DOCK3: variants seen among roughly 807,000 people sequenced by gnomAD.
DOCK3 encodes dedicator of cytokinesis protein 3.
DOCK3 carries 60 observed loss-of-function variants against 265.6 expected under a neutral mutation model. The observed-to-expected ratio is 0.23, with a 90% confidence interval of 0.18 to 0.28. The LOEUF is 0.28. Among genes scored for constraint, DOCK3 ranks in the 10% least tolerant of loss-of-function variants. DOCK3 has a pLI of 1.00. For synonymous variants in DOCK3, 881 were observed against 938.0 expected (o/e 0.94, Z 1.11); for missense variants, 1,981 against 2,594.3 (o/e 0.76, Z 5.14).
At chr3:50,738,959 T>C (rs1463419413) in intron 1 of DOCK3, among the ~76,000 whole-genome samples, 1 of 152,196 alleles carries the variant, frequency 6.6e-6, no homozygotes, top group East Asian at 1.9e-4. Flanking sequence ...TCTGTAATTT[T>C]GCTACTGCAT....
At chr3:51,290,181 C>T (rs1001701586) in intron 27 of DOCK3, among the ~76,000 whole-genome samples, 1 of 152,194 alleles carries the variant, frequency 6.6e-6, no homozygotes, top group Non-Finnish European at 1.5e-5. Flanking sequence ...CATCCCATTA[C>T]TGGGTATATA....
At chr3:51,275,230 C>T (rs761642857) in intron 25 of DOCK3, 24 bp downstream of exon 25, 3 of 1,613,386 alleles carry the variant, frequency 1.9e-6, no homozygotes, top group African/African-American at 1.3e-5. Flanking sequence ...ACCCACTCCA[C>T]CCTGTTCAGC....
At chr3:50,733,106 G>A (rs1253471448) in intron 1 of DOCK3, among the ~76,000 whole-genome samples, 1 of 152,164 alleles carries the variant, frequency 6.6e-6, no homozygotes, top group Non-Finnish European at 1.5e-5. Flanking sequence ...ATATAATTTG[G>A]TAAGCTGATT....
intron 5 of DOCK3, among the ~76,000 whole-genome samples, chr3:51,017,852 C>A (rs1441997180): frequency 6.6e-6 from 1 of 151,868 alleles, no homozygotes; most frequent in African/African-American, 2.4e-5. Flanking sequence ...CAAATTTACT[C>A]TTCTGTCAAC....
chr3:50,894,616 A>G (rs2048805798), intron 4 of DOCK3, among the ~76,000 whole-genome samples: 1 of 152,170 alleles, frequency 6.6e-6, no homozygotes, highest in African/African-American at 2.4e-5. Context: ...TTAGTATAAG[A>G]GTTAAAAGAC....
intron 3 of DOCK3, among the ~76,000 whole-genome samples, chr3:50,866,181 C>T (rs958107454): frequency 5.9e-5 from 9 of 151,982 alleles, no homozygotes; most frequent in Admixed American, 2.0e-4. Context: ...CCTTTTGGGG[C>T]ATTACTTAAG....
At chr3:51,025,914 C>T (rs1006342500) in intron 5 of DOCK3, among the ~76,000 whole-genome samples, 2 of 152,154 alleles carry the variant, frequency 1.3e-5, no homozygotes, top group African/African-American at 2.4e-5. Flanking sequence ...TACTCAGAGG[C>T]AGACTCTCCC....
At chr3:50,984,153 G>A (rs1445559373) in intron 5 of DOCK3, among the ~76,000 whole-genome samples, 1 of 152,154 alleles carries the variant, frequency 6.6e-6, no homozygotes, top group African/African-American at 2.4e-5. Context: ...CATGAGCCAA[G>A]CGCAGCCTGC....
chr3:50,786,038 A>AGTGTC (rs1443812453), intron 2 of DOCK3, among the ~76,000 whole-genome samples: 1 of 151,168 alleles, frequency 6.6e-6, no homozygotes, highest in Non-Finnish European at 1.5e-5. Context: ...TTAATCTAAG[A>AGTGTC]GTGTCGTGTA....
At chr3:50,697,229 C>T (rs970859086) in intron 1 of DOCK3, among the ~76,000 whole-genome samples, 1 of 151,968 alleles carries the variant, frequency 6.6e-6, no homozygotes, top group Admixed American at 6.6e-5. Context: ...CTGTGCCTGC[C>T]CATAGCACTG....
At chr3:50,848,519 GAA>G (rs2046202513) in intron 3 of DOCK3, among the ~76,000 whole-genome samples, 1 of 152,194 alleles carries the variant, frequency 6.6e-6, no homozygotes, top group African/African-American at 2.4e-5. Flanking sequence ...GCTTGTCTGG[GAA>G]AGATTTTGGT....
At chr3:50,807,249 C>CTTTTTT (rs59370167) in intron 2 of DOCK3, among the ~76,000 whole-genome samples, 3 of 144,422 alleles carry the variant, frequency 2.1e-5, no homozygotes, top group African/African-American at 2.6e-5. Flanking sequence ...CTGCCACGCT[C>CTTTTTT]TTTTTTTTTT....
At chr3:51,188,348 T>C (rs892706149) in intron 12 of DOCK3, among the ~76,000 whole-genome samples, 2 of 152,230 alleles carry the variant, frequency 1.3e-5, no homozygotes, top group Non-Finnish European at 2.9e-5. Flanking sequence ...AACATAGTAA[T>C]TGTTTTTTAA....
rs1229803229 is a variant in DOCK3, at chr3:51,277,895, CT to C, written c.2823+143del. 43 of 1,502,672 alleles carry C rather than the reference CT, an allele frequency of 2.9e-5. No individual in the cohort carries two copies. The African/African-American group carries it at 5.4e-4, about 19-fold the overall frequency. 93.1% of individuals were successfully genotyped at this position (1,502,672 alleles called of 1,614,324 possible). A position where few individuals can be genotyped will look rare whatever the true frequency, so the allele number is the denominator to read the frequency against. On this transcript the variant is annotated intron_variant, in intron 26 of 52. Coordinates refer to ENST00000266037, the MANE Select transcript of DOCK3 (RefSeq NM_004947.5). ...GGTTGTCAGCATGCTGCCCTCTTCC[CT>C]TCTTGAGTCTGACTCTCCTCTCTAC...
intron 5 of DOCK3, among the ~76,000 whole-genome samples, chr3:51,009,999 C>G (rs1267106278): frequency 6.6e-6 from 1 of 152,162 alleles, no homozygotes; most frequent in African/African-American, 2.4e-5. Flanking sequence ...GTTATAATTT[C>G]TATTCTTTTA....
At position 51,312,497 on chromosome 3, in the gene DOCK3, C is replaced by T. The variant is rs777270509; in HGVS notation, c.3115C>T (p.Leu1039=). ...CTAGGTGTGGAATTCTTACTTTAGCCTGGCAGTTCTATTCATAAATCAGCC... is the reference window on the plus strand; with the variant it reads ...CTAGGTGTGGAATTCTTACTTTAGCTTGGCAGTTCTATTCATAAATCAGCC... ...DFKVWNSYFS[L]AVLFINQPSL... is the part of the protein sequence containing the mutation. The change falls in exon 30 of 53, where the codon CTG becomes TTG. Residue 1039 remains leucine (L), a synonymous_variant. Coordinates refer to ENST00000266037, the MANE Select transcript of DOCK3 (RefSeq NM_004947.5). 3.1e-6 allele frequency: 5 copies of T among 1,612,006 alleles called. No individual in the cohort carries two copies. The highest frequency in any genetic ancestry group is 1.3e-5 in the African/African-American group (1 of 74,788).
At chr3:50,817,299 A>G (rs904624144) in intron 2 of DOCK3, among the ~76,000 whole-genome samples, 1 of 152,132 alleles carries the variant, frequency 6.6e-6, no homozygotes, top group Non-Finnish European at 1.5e-5. Context: ...AATGTAGCTC[A>G]GTAGGTTTTA....
At chr3:50,912,409 A>G (rs1054388721) in intron 4 of DOCK3, among the ~76,000 whole-genome samples, 1 of 152,138 alleles carries the variant, frequency 6.6e-6, no homozygotes, top group East Asian at 1.9e-4. Context: ...ATGGCACTGA[A>G]TGTCACCCAA....
chr3:51,087,014 G>A (rs1214200218), intron 7 of DOCK3, among the ~76,000 whole-genome samples: 1 of 152,156 alleles, frequency 6.6e-6, no homozygotes, highest in Non-Finnish European at 1.5e-5. Context: ...CCCCAGAACT[G>A]TATGGCTCTA....
Sources: allele counts gnomAD v4.1 joint callset (sites outside exome capture counted in the v4.1 genomes callset), GRCh38; gene constraint gnomAD v4.1.1; transcripts MANE v1.5; gene names NCBI Gene and HGNC (gene_info 2026-07-23, HGNC 2026-07-21).